Variants in ATF2 observed in about 807,000 individuals in gnomAD.
ATF2 encodes activating transcription factor 2, also known as cyclic AMP-dependent transcription factor ATF-2.
A neutral mutation model predicts 60.6 loss-of-function variants in ATF2; 24 were observed. The ratio of observed to expected loss-of-function variants is 0.40; its 90% CI spans 0.29 to 0.56. ATF2 has a LOEUF of 0.56. Ranked by LOEUF, ATF2 falls within the 20% of genes least tolerant of loss-of-function variation. The probability of loss-of-function intolerance (pLI) is 0.54; values close to 1 mark genes in which losing one functional copy is unlikely to be tolerated. For missense variants in ATF2, 433 were observed against 607.7 expected (o/e 0.71, Z 3.02); for synonymous variants, 206 against 215.4 (o/e 0.96, Z 0.38).
rs1249466809 is a variant in ATF2 at position 175,107,527 on chromosome 2, C to CTCTCCCTCTCCCTCTCCCCACGG, written c.828+4018_828+4040dup. On this transcript the variant is annotated intron_variant, in intron 10 of 13. Coordinates refer to ENST00000264110, the MANE Select transcript of ATF2 (RefSeq NM_001880.4). The stretch of plus-strand genomic sequence containing the variant: ...TCATAGAAGTACGTTTTGTGGCTCC[C>CTCTCCCTCTCCCTCTCCCCACGG]TCTCCCTCTCCCTCTCCCCACGGTC... 4.9e-4 allele frequency among the ~76,000 whole-genome samples: 64 copies of CTCTCCCTCTCCCTCTCCCCACGG among 130,898 alleles called. 1 individual carries two copies. The highest frequency in any genetic ancestry group is 1.1e-3 in the African/African-American group (25 of 23,404). 85.9% of individuals were successfully genotyped at this position (130,898 alleles called of 152,430 possible). A position where few individuals can be genotyped will look rare whatever the true frequency, so the allele number is the denominator to read the frequency against.
intron 3 of ATF2, among the ~76,000 whole-genome samples, chr2:175,136,139 C>T (rs1245466360): frequency 6.6e-6 from 1 of 151,076 alleles, no homozygotes; most frequent in Non-Finnish European, 1.5e-5. Context: ...TACTTTTTCA[C>T]AGAACATCCC....
chr2:175,093,027 G>A (rs771135033), intron 12 of ATF2, 34 bp downstream of exon 12: 1 of 1,583,906 alleles, frequency 6.3e-7, no homozygotes, highest in South Asian at 1.2e-5. Flanking sequence ...TATTAAAAAA[G>A]AAATAAAACA....
intron 1 of ATF2, among the ~76,000 whole-genome samples, chr2:175,156,785 C>T (rs1337794275): frequency 6.6e-6 from 1 of 152,174 alleles, no homozygotes; most frequent in Non-Finnish European, 1.5e-5. Flanking sequence ...GCTGAGGACT[C>T]GGCTGGGCCC....
intron 10 of ATF2, among the ~76,000 whole-genome samples, chr2:175,104,583 A>G (rs1374340378): frequency 6.6e-6 from 1 of 152,148 alleles, no homozygotes; most frequent in South Asian, 2.1e-4. Flanking sequence ...TTGGAGTTCT[A>G]TCTTTAAGGC....
intron 3 of ATF2, among the ~76,000 whole-genome samples, chr2:175,134,400 G>A (rs77892293): frequency 0.04 from 6,011 of 151,984 alleles, 384 homozygotes; most frequent in African/African-American, 0.14. Context: ...TAAAAAAAAC[G>A]ACTGATTTTC....
At chr2:175,076,269 C>T (rs1693283908) in intron 13 of ATF2, among the ~76,000 whole-genome samples, 1 of 151,788 alleles carries the variant, frequency 6.6e-6, no homozygotes, top group African/African-American at 2.4e-5. Flanking sequence ...GAGATGGAAC[C>T]CCATCTTCTC....
chr2:175,084,620 T>C (rs1185510756), intron 12 of ATF2, among the ~76,000 whole-genome samples: 2 of 143,966 alleles, frequency 1.4e-5, no homozygotes, highest in Non-Finnish European at 3.0e-5. Context: ...ATTGTGCACA[T>C]GTACGCTAAA....
chr2:175,097,529 T>C lies in ATF2; in HGVS notation c.893A>G (p.His298Arg), dbSNP rs546336948. Reference sequence around the variant, plus strand: ...CTGAGTCCTAACCAATCCGCTACCATGACCTTTGACAGTATCACCATTGGT... The same window carrying C: ...CTGAGTCCTAACCAATCCGCTACCACGACCTTTGACAGTATCACCATTGGT... Reference protein sequence around the residue: ...PVTNGDTVKGHGSGLVRTQSE... With the variant: ...PVTNGDTVKGRGSGLVRTQSE... The change falls in exon 11 of 14, where the codon CAT becomes CGT. Residue 298 changes from histidine to arginine, a missense_variant. Transcript: ENST00000264110. 1.9e-6 allele frequency: 3 copies of C among 1,614,156 alleles called. No individual in the cohort carries two copies. The highest frequency in any genetic ancestry group is 2.7e-5 in the African/African-American group (2 of 75,048).
chr2:175,135,054 C>G (rs1256208514), intron 3 of ATF2, among the ~76,000 whole-genome samples: 1 of 145,486 alleles, frequency 6.9e-6, no homozygotes, highest in Non-Finnish European at 1.5e-5. Flanking sequence ...CTAACACTTT[C>G]GAAACCCCAC....
chr2:175,118,219 T>C (rs1423806990), intron 6 of ATF2, 32 bp downstream of exon 6: 4 of 1,591,454 alleles, frequency 2.5e-6, no homozygotes, highest in African/African-American at 2.7e-5. Flanking sequence ...CTGTCAGAAG[T>C]ACTCTTTTTA....
chr2:175,152,802 C>T (rs73039719), intron 1 of ATF2, among the ~76,000 whole-genome samples: 3,439 of 152,268 alleles, frequency 0.023, 131 homozygotes, highest in African/African-American at 0.078. Context: ...ATAGTATATT[C>T]AGCCATACAA....
chr2:175,134,444 G>T lies in ATF2; in HGVS notation c.32+1968C>A, dbSNP rs139977755. On this transcript the variant is annotated intron_variant, in intron 3 of 13. Transcript: ENST00000264110. Reference sequence around the variant, plus strand: ...CTAAGTAGAAGTGGAGTAAGAGATTGAAAGAAAAGCCTGGCATACAGCAAA... The same window carrying T: ...CTAAGTAGAAGTGGAGTAAGAGATTTAAAGAAAAGCCTGGCATACAGCAAA... 3.6e-3 allele frequency among the ~76,000 whole-genome samples: 536 copies of T among 150,642 alleles called. 4 individuals are homozygous for T. Among genetic ancestry groups the T allele is most frequent in the Middle Eastern group, 0.01 (3 of 292 alleles).
rs530116480 is a variant in ATF2 at position 175,073,499 on chromosome 2, T to A, written c.*1110A>T. On this transcript the variant is annotated 3_prime_UTR_variant, in exon 14 of 14. Coordinates refer to ENST00000264110, the MANE Select transcript of ATF2 (RefSeq NM_001880.4). Reference sequence around the variant, plus strand: ...CACACACACACAGATACACACACACTCTCTCTCATTCATGCACACTTCCCA... The same window carrying A: ...CACACACACACAGATACACACACACACTCTCTCATTCATGCACACTTCCCA... The A allele has an allele frequency of 5.3e-5, 8 of 151,640 alleles. No homozygotes were observed. Among genetic ancestry groups the A allele is most frequent in the East Asian group, 1.9e-4 (1 of 5,160 alleles). 9.4% of individuals were successfully genotyped at this position (151,640 alleles called of 1,614,324 possible).
chr2:175,101,478 G>C (rs1034219728), intron 10 of ATF2, among the ~76,000 whole-genome samples: 13 of 152,162 alleles, frequency 8.5e-5, no homozygotes, highest in African/African-American at 3.1e-4. Context: ...AATATAACTA[G>C]AAGTAGAAAT....
chr2:175,074,959 A>ATT (rs1693193609), intron 13 of ATF2, 124 bp from the exon 14 acceptor site: 2 of 1,526,040 alleles, frequency 1.3e-6, no homozygotes. Flanking sequence ...ACAAGTTGGT[A>ATT]TTACAGCAAT....
intron 12 of ATF2, chr2:175,092,554 A>G (rs556320106): frequency 2.3e-6 from 1 of 440,338 alleles, no homozygotes; most frequent in Non-Finnish European, 4.6e-6. Flanking sequence ...TGGTCTGTGG[A>G]TAATTAGAGT....
chr2:175,091,855 T>A (rs1289972658), intron 12 of ATF2, among the ~76,000 whole-genome samples: 1 of 152,152 alleles, frequency 6.6e-6, no homozygotes, highest in Admixed American at 6.5e-5. Context: ...AGAGTGAGAC[T>A]CCGTCTCAAA....
Position 175,074,613 on chromosome 2 carries a change from C to A in ATF2, c.1514G>T (p.Ser505Ile), listed in dbSNP as rs143157308. ...APSSQSQPSG[S>I] ...TGTTGTACTGCAGGTTTTTAATCAACTTCCTGAGGGCTGTGACTGGGAGGA... is the reference window on the plus strand; with the variant it reads ...TGTTGTACTGCAGGTTTTTAATCAAATTCCTGAGGGCTGTGACTGGGAGGA... The change falls in exon 14 of 14, where the codon AGT becomes ATT. Residue 505 changes from serine to isoleucine, a missense_variant. Physicochemically the swap from Ser to Ile is moderately radical, Grantham distance 142 (BLOSUM62 -2). This residue lies in a region of ATF2 where 114 missense variants were observed against 104.0 expected (regional missense o/e 1.10). Transcript: ENST00000264110. 2 of 1,611,184 alleles carry A rather than the reference C, an allele frequency of 1.2e-6. No homozygotes were observed. Among genetic ancestry groups the A allele is most frequent in the Non-Finnish European group, 8.5e-7 (1 of 1,178,650 alleles).
At chr2:175,155,514 G>C (rs954276664) in intron 1 of ATF2, among the ~76,000 whole-genome samples, 3 of 152,170 alleles carry the variant, frequency 2.0e-5, no homozygotes, top group African/African-American at 7.2e-5. Flanking sequence ...TTCATTTAAT[G>C]ATTACCTCTT....
Sources: gnomAD v4.1 joint callset for allele counts (sites outside exome capture counted in the v4.1 genomes callset) on GRCh38, gnomAD v4.1.1 for gene constraint, gnomAD v4.1.1 regional missense constraint, MANE v1.5 for transcripts, NCBI Gene and HGNC (gene_info 2026-07-23, HGNC 2026-07-21) for gene names.